SLC9A9: variants seen among roughly 807,000 people sequenced by gnomAD.
SLC9A9 encodes sodium/hydrogen exchanger 9.
SLC9A9 carries 62 observed loss-of-function variants against 77.8 expected under a neutral mutation model. The observed-to-expected ratio is 0.80, with a 90% CI of 0.65 to 0.98. The LOEUF (loss-of-function observed/expected upper bound fraction) is 0.98. Among genes scored for constraint, SLC9A9 ranks in the 50% least tolerant of loss-of-function variants. The pLI is 0.00. For synonymous variants in SLC9A9, 320 were observed against 283.5 expected (o/e 1.13, Z -1.29); for missense variants, 775 against 774.9 (o/e 1.00, Z 0.00).
chr3:143,431,573 C>T (rs866461042), intron 12 of SLC9A9, among the ~76,000 whole-genome samples: 1 of 151,298 alleles, frequency 6.6e-6, no homozygotes, highest in African/African-American at 2.4e-5. Flanking sequence ...AGCTCCGCCT[C>T]CCAGGTTCAG....
At chr3:143,532,318 T>A (rs2036521832) in intron 9 of SLC9A9, among the ~76,000 whole-genome samples, 1 of 152,034 alleles carries the variant, frequency 6.6e-6, no homozygotes, top group Non-Finnish European at 1.5e-5. Flanking sequence ...AGAGAGCTGG[T>A]TCCAGCTGGC....
intron 1 of SLC9A9, among the ~76,000 whole-genome samples, chr3:143,833,415 C>T (rs942632489): frequency 7.2e-5 from 11 of 152,158 alleles, no homozygotes; most frequent in African/African-American, 2.4e-4. Flanking sequence ...GTGCTATGAC[C>T]GCTGGGAAGC....
At chr3:143,707,349 AT>A (rs1367185524) in intron 4 of SLC9A9, among the ~76,000 whole-genome samples, 1 of 133,394 alleles carries the variant, frequency 7.5e-6, no homozygotes, top group African/African-American at 2.9e-5. Context: ...CTATTAGTAC[AT>A]TTTATATATT....
intron 6 of SLC9A9, among the ~76,000 whole-genome samples, chr3:143,614,834 C>T (rs1431631456): frequency 6.6e-6 from 1 of 152,096 alleles, no homozygotes; most frequent in Admixed American, 6.5e-5. Context: ...GCCATGAGCC[C>T]AGAAATTTGA....
intron 9 of SLC9A9, among the ~76,000 whole-genome samples, chr3:143,538,767 T>G (rs1180306287): frequency 2.0e-5 from 3 of 152,152 alleles, no homozygotes; most frequent in South Asian, 2.1e-4. Context: ...AGTCAAGGGC[T>G]AGGGTATGAA....
At chr3:143,697,951 C>T (rs921896950) in intron 4 of SLC9A9, 3 of 152,106 alleles carry the variant, frequency 2.0e-5, no homozygotes, top group Non-Finnish European at 4.4e-5. Context: ...TACAATGTGC[C>T]AGGCACTCTT....
intron 5 of SLC9A9, among the ~76,000 whole-genome samples, chr3:143,659,762 G>A (rs2038951583): frequency 6.6e-6 from 1 of 152,200 alleles, no homozygotes; most frequent in African/African-American, 2.4e-5. Context: ...AGTTTTGCAG[G>A]TGTAATTAAC....
chr3:143,663,319 A>G (rs1184570013), intron 5 of SLC9A9, among the ~76,000 whole-genome samples: 1 of 152,210 alleles, frequency 6.6e-6, no homozygotes, highest in Non-Finnish European at 1.5e-5. Context: ...GGTCCCCATC[A>G]TCAAAGACCA....
At chr3:143,472,416 A>G (rs1378297636) in intron 11 of SLC9A9, among the ~76,000 whole-genome samples, 1 of 152,214 alleles carries the variant, frequency 6.6e-6, no homozygotes. Flanking sequence ...CTTTGTGTAC[A>G]TAATTTTCTA....
intron 4 of SLC9A9, among the ~76,000 whole-genome samples, chr3:143,715,178 A>G (rs116683048): frequency 0.042 from 5,221 of 123,172 alleles, 296 homozygotes; most frequent in African/African-American, 0.15. Flanking sequence ...GTGAAAATGG[A>G]CTAATATAGG....
chr3:143,584,212 C>A (rs376817965), intron 6 of SLC9A9, among the ~76,000 whole-genome samples: 1 of 152,168 alleles, frequency 6.6e-6, no homozygotes, highest in Non-Finnish European at 1.5e-5. Flanking sequence ...GTTTCCAACA[C>A]CACCTTCCCC....
At chr3:143,563,834 TCA>T (rs1364843116) in intron 8 of SLC9A9, among the ~76,000 whole-genome samples, 8 of 152,134 alleles carry the variant, frequency 5.3e-5, no homozygotes, top group Non-Finnish European at 1.2e-4. Flanking sequence ...TATAAATGGT[TCA>T]GTTTTTACTT....
chr3:143,807,027 C>T (rs1006307185), intron 2 of SLC9A9, among the ~76,000 whole-genome samples: 3 of 152,172 alleles, frequency 2.0e-5, no homozygotes, highest in African/African-American at 7.2e-5. Context: ...CTCATACTGG[C>T]TCTCCGAGGA....
chr3:143,528,466 G>A (rs1465909279), intron 9 of SLC9A9, among the ~76,000 whole-genome samples: 1 of 152,208 alleles, frequency 6.6e-6, no homozygotes, highest in East Asian at 1.9e-4. Context: ...TGACTGCAGT[G>A]TGATAAGTGG....
At chr3:143,389,559 C>T (rs1440628040) in intron 12 of SLC9A9, among the ~76,000 whole-genome samples, 4 of 152,198 alleles carry the variant, frequency 2.6e-5, no homozygotes, top group Non-Finnish European at 4.4e-5. Context: ...AAGGGACATC[C>T]TGTTAAAAGA....
chr3:143,536,431 C>T (rs2036589350), intron 9 of SLC9A9, among the ~76,000 whole-genome samples: 2 of 152,172 alleles, frequency 1.3e-5, no homozygotes, highest in African/African-American at 4.8e-5. Context: ...CCTATTAGTC[C>T]ATAAATATTA....
At chr3:143,458,356 C>T (rs1559925439) in intron 12 of SLC9A9, among the ~76,000 whole-genome samples, 1 of 152,078 alleles carries the variant, frequency 6.6e-6, no homozygotes, top group Admixed American at 6.5e-5. Flanking sequence ...CAGCATATAG[C>T]TGAGTCTTGT....
intron 5 of SLC9A9, among the ~76,000 whole-genome samples, chr3:143,689,363 G>A (rs973802990): frequency 6.6e-6 from 1 of 151,858 alleles, no homozygotes; most frequent in African/African-American, 2.4e-5. Context: ...TAAACTATGG[G>A]GTACTCTTCG....
At chr3:143,606,426 C>CTATA (rs1341835201) in intron 6 of SLC9A9, among the ~76,000 whole-genome samples, 6 of 73,980 alleles carry the variant, frequency 8.1e-5, no homozygotes, top group East Asian at 4.8e-4. Flanking sequence ...CTCTCTCTCT[C>CTATA]TCTCTCTCTC....
Sources: allele counts gnomAD v4.1 joint callset (sites outside exome capture counted in the v4.1 genomes callset), GRCh38; gene constraint gnomAD v4.1.1; transcripts MANE v1.5; gene names NCBI Gene and HGNC (gene_info 2026-07-23, HGNC 2026-07-21).